Variants in SPAG6 observed in about 807,000 individuals in gnomAD.
SPAG6 encodes sperm associated antigen 6.
Under a neutral mutation model 58.5 loss-of-function variants are expected in SPAG6, and 49 were observed. The ratio of observed to expected loss-of-function variants is 0.84; its 90% CI spans 0.67 to 1.06. The LOEUF (loss-of-function observed/expected upper bound fraction) is 1.06. SPAG6 is among the 50% of genes least tolerant of loss of function. SPAG6 has a pLI of 0.00. For missense variants in SPAG6, 560 were observed against 611.3 expected, an observed-to-expected ratio of 0.92 and a Z score of 0.89; for synonymous variants, 233 against 225.6, an observed-to-expected ratio of 1.03 and a Z score of -0.29.
chr10:22,393,190 C>T (rs1834220845), intron 8 of SPAG6, among the ~76,000 whole-genome samples: 1 of 152,062 alleles, frequency 6.6e-6, no homozygotes, highest in Admixed American at 6.6e-5. Context: ...ATCTGTAGTC[C>T]TCTTTTGGCT....
intron 4 of SPAG6, 102 bp downstream of exon 4, chr10:22,368,780 AATG>A: frequency 1.2e-6 from 1 of 863,090 alleles, no homozygotes; most frequent in Non-Finnish European, 1.7e-6. Flanking sequence ...GTGGGGTTTT[AATG>A]ATGTTTCTGT....
intron 4 of SPAG6, among the ~76,000 whole-genome samples, chr10:22,381,677 T>C (rs1588655615): frequency 6.6e-6 from 1 of 152,164 alleles, no homozygotes; most frequent in South Asian, 2.1e-4. Flanking sequence ...AGATTACTTT[T>C]GTCTTATTTA....
chr10:22,367,954 A>T (rs1837244209), intron 3 of SPAG6, among the ~76,000 whole-genome samples: 1 of 152,108 alleles, frequency 6.6e-6, no homozygotes, highest in Admixed American at 6.5e-5. Flanking sequence ...TTTTGCCTTT[A>T]TGTTTATTTG....
chr10:22,381,311 T>C (rs1405490926), intron 4 of SPAG6, among the ~76,000 whole-genome samples: 1 of 150,608 alleles, frequency 6.6e-6, no homozygotes, highest in Non-Finnish European at 1.5e-5. Context: ...GCCAGCACTA[T>C]GTTGTCTCAC....
intron 4 of SPAG6, among the ~76,000 whole-genome samples, chr10:22,382,950 A>G (rs879541032): frequency 2.0e-5 from 3 of 152,366 alleles, no homozygotes; most frequent in Non-Finnish European, 2.9e-5. Flanking sequence ...TATAACATGT[A>G]GCCTTTTCTC....
intron 8 of SPAG6, among the ~76,000 whole-genome samples, chr10:22,394,422 G>A (rs16922235): frequency 3.4e-4 from 52 of 151,930 alleles, no homozygotes; most frequent in Non-Finnish European, 4.9e-4. Context: ...GTGTTCTTAC[G>A]GTAATAGTTG....
intron 8 of SPAG6, among the ~76,000 whole-genome samples, chr10:22,398,311 A>G (rs948571762): frequency 3.3e-5 from 5 of 152,274 alleles, no homozygotes; most frequent in African/African-American, 7.2e-5. Flanking sequence ...AAACCTGGGA[A>G]TAAATATGTG....
At chr10:22,397,649 C>T (rs1834327736) in intron 8 of SPAG6, among the ~76,000 whole-genome samples, 4 of 152,062 alleles carry the variant, frequency 2.6e-5, no homozygotes, top group Admixed American at 6.6e-5. Flanking sequence ...AGGTAATAAA[C>T]AATTCAAATA....
intron 2 of SPAG6, among the ~76,000 whole-genome samples, chr10:22,358,361 T>G (rs1836928921): frequency 6.6e-6 from 1 of 151,112 alleles, no homozygotes; most frequent in Admixed American, 6.6e-5. Flanking sequence ...TTTCATGTGT[T>G]TTTTGGCTGC....
chr10:22,355,577 A>G (rs1588635296), intron 2 of SPAG6, among the ~76,000 whole-genome samples: 3 of 152,364 alleles, frequency 2.0e-5, no homozygotes, highest in East Asian at 1.9e-4. Context: ...ATTGAATTCT[A>G]TGTAAAAAGG....
chr10:22,347,660 T>C (rs1400245120), intron 2 of SPAG6, among the ~76,000 whole-genome samples: 5 of 152,200 alleles, frequency 3.3e-5, no homozygotes, highest in African/African-American at 1.2e-4. Context: ...GGTTAGCTCC[T>C]CCCATAAGAG....
Position 22,365,125 on chromosome 10 carries a change from T to C in SPAG6, c.288+106T>C, listed in dbSNP as rs1837160758. 7 of 727,370 alleles carry C rather than the reference T, an allele frequency of 9.6e-6. No homozygotes were observed. The East Asian group carries it at 1.9e-4, about 20-fold the overall frequency. 45.1% of individuals were successfully genotyped at this position (727,370 alleles called of 1,614,324 possible). A position where few individuals can be genotyped will look rare whatever the true frequency, so the allele number is the denominator to read the frequency against. ...CTGTAGGCATAAAATTATTAGGGGG[T>C]TAACACAATCTTCAATTATCTGAGC... On this transcript the variant is annotated intron_variant, in intron 3 of 10. Transcript: ENST00000376624.
chr10:22,376,390 A>C (rs1833814516), intron 4 of SPAG6, among the ~76,000 whole-genome samples: 1 of 152,138 alleles, frequency 6.6e-6, no homozygotes, highest in Non-Finnish European at 1.5e-5. Context: ...AATTATTTTC[A>C]CCTATTTCTT....
At chr10:22,350,824 T>C (rs1836706901) in intron 2 of SPAG6, among the ~76,000 whole-genome samples, 1 of 138,728 alleles carries the variant, frequency 7.2e-6, no homozygotes, top group South Asian at 2.1e-4. Flanking sequence ...ATTCCATGCA[T>C]AGCATAATCA....
chr10:22,395,353 T>C (rs1037878094), intron 8 of SPAG6, among the ~76,000 whole-genome samples: 3 of 152,204 alleles, frequency 2.0e-5, no homozygotes, highest in Admixed American at 6.5e-5. Context: ...CAGCAAGGTA[T>C]GATGGTTCCA....
intron 2 of SPAG6, among the ~76,000 whole-genome samples, chr10:22,363,296 T>C (rs895238453): frequency 1.2e-4 from 19 of 152,238 alleles, no homozygotes; most frequent in African/African-American, 3.6e-4. Context: ...TGAGTAGTCA[T>C]GCTAATACCT....
chr10:22,370,964 T>C (rs928003862), intron 4 of SPAG6, among the ~76,000 whole-genome samples: 1 of 152,198 alleles, frequency 6.6e-6, no homozygotes, highest in African/African-American at 2.4e-5. Flanking sequence ...GCCCCACAGA[T>C]AACATTTCCA....
chr10:22,394,585 A>G (rs1834249781), intron 8 of SPAG6, among the ~76,000 whole-genome samples: 1 of 152,194 alleles, frequency 6.6e-6, no homozygotes, highest in African/African-American at 2.4e-5. Flanking sequence ...TATTCCCCAT[A>G]AAAGAAATGC....
chr10:22,407,721 C>G (rs1834595866), intron 9 of SPAG6, among the ~76,000 whole-genome samples: 1 of 152,160 alleles, frequency 6.6e-6, no homozygotes, highest in African/African-American at 2.4e-5. Flanking sequence ...TGGATAATAT[C>G]CTGCAGAATG....
Sources: gnomAD v4.1 joint callset for allele counts (sites outside exome capture counted in the v4.1 genomes callset) on GRCh38, gnomAD v4.1.1 for gene constraint, MANE v1.5 for transcripts, NCBI Gene and HGNC (gene_info 2026-07-23, HGNC 2026-07-21) for gene names.